THRB: variants seen among roughly 807,000 people sequenced by gnomAD.
THRB encodes the protein thyroid hormone receptor beta, also known as nuclear receptor subfamily 1 group A member 2.
In THRB, 12 loss-of-function variants were observed where a neutral mutation model predicts 47.8. The ratio of observed to expected loss-of-function variants is 0.25; its 90% CI spans 0.16 to 0.41. The LOEUF (loss-of-function observed/expected upper bound fraction) is 0.41. THRB is among the 10% of genes least tolerant of loss of function. THRB has a pLI of 1.00. For missense variants in THRB, 348 were observed against 589.2 expected (o/e 0.59, Z 4.24); for synonymous variants, 218 against 212.2 (o/e 1.03, Z -0.24).
chr3:24,491,330 TCAC>T (rs1382145823), intron 1 of THRB, among the ~76,000 whole-genome samples: 2 of 152,316 alleles, frequency 1.3e-5, no homozygotes, highest in Admixed American at 1.3e-4. Context: ...CAAAAACAAA[TCAC>T]CATAATCTTC....
intron 5 of THRB, among the ~76,000 whole-genome samples, chr3:24,187,951 GTGGACCC>G (rs1300415538): frequency 6.6e-6 from 1 of 152,174 alleles, no homozygotes; most frequent in African/African-American, 2.4e-5. Flanking sequence ...CTATGTCAAG[GTGGACCC>G]TGGTGGTTAC....
intron 4 of THRB, among the ~76,000 whole-genome samples, chr3:24,228,077 A>G (rs1442639766): frequency 1.3e-5 from 2 of 152,208 alleles, no homozygotes; most frequent in Non-Finnish European, 2.9e-5. Flanking sequence ...ATGGGGCTTC[A>G]TTCCTTCTTG....
At chr3:24,263,096 G>A (rs2052249849) in intron 3 of THRB, among the ~76,000 whole-genome samples, 1 of 152,114 alleles carries the variant, frequency 6.6e-6, no homozygotes, top group Admixed American at 6.6e-5. Flanking sequence ...ATAATAGAAG[G>A]GGACATTATT....
chr3:24,389,155 A>G (rs1033946408), intron 1 of THRB, among the ~76,000 whole-genome samples: 1 of 152,166 alleles, frequency 6.6e-6, no homozygotes, highest in Non-Finnish European at 1.5e-5. Context: ...TTCAAGGTGT[A>G]GGGATGAATA....
In THRB at chr3:24,493,110, C is replaced by T. The variant is rs187842840; in HGVS notation, c.-261+1542G>A. Among the ~76,000 whole-genome samples the T allele has an allele frequency of 2.6e-5, 4 of 152,312 alleles. No homozygotes were observed. In the East Asian group the frequency reaches 7.7e-4, roughly 29 times the overall value. ...CTTGGTACTGGATTTCTGTTTGACT[C>T]AATTAAAACACTTAGCCACCTGGCA... On this transcript the variant is annotated intron_variant, in intron 1 of 10. Coordinates refer to ENST00000646209, the MANE Select transcript of THRB (RefSeq NM_001354712.2).
At chr3:24,233,561 A>AAG (rs1559683315) in intron 3 of THRB, among the ~76,000 whole-genome samples, 1 of 16,006 alleles carries the variant, frequency 6.2e-5, no homozygotes, top group East Asian at 8.9e-4. Context: ...AAGAAAAAGG[A>AAG]AGAAAGAAAG....
Position 24,126,949 on chromosome 3 carries a change from G to A in THRB, c.1144+550C>T, listed in dbSNP as rs117486410. On this transcript the variant is annotated intron_variant, in intron 10 of 10. Transcript: ENST00000646209. ...AGCCAAGTAAGAAGTCTACCCTGCC[G>A]GAGGAAAGGCCGCATAGAGGGAGGC... Among the ~76,000 whole-genome samples, 42 of 152,268 alleles carry A rather than the reference G, an allele frequency of 2.8e-4. No individual in the cohort carries two copies. The East Asian group carries it at 6.0e-3, about 22-fold the overall frequency.
intron 5 of THRB, chr3:24,165,198 G>C (rs2039475311): frequency 2.6e-6 from 2 of 765,070 alleles, no homozygotes; most frequent in East Asian, 2.4e-5. Context: ...GCCCAGGCCT[G>C]TTCCATATAT....
chr3:24,147,457 T>C (rs1333302551), intron 6 of THRB, among the ~76,000 whole-genome samples: 2 of 152,176 alleles, frequency 1.3e-5, no homozygotes, highest in East Asian at 1.9e-4. Context: ...TTTTTCCCCA[T>C]AGCTCATTGC....
intron 2 of THRB, among the ~76,000 whole-genome samples, chr3:24,305,959 C>G (rs541139083): frequency 5.3e-5 from 8 of 152,274 alleles, no homozygotes; most frequent in African/African-American, 1.4e-4. Context: ...ATCTCCTCCC[C>G]CAATGGGCTT....
intron 1 of THRB, among the ~76,000 whole-genome samples, chr3:24,375,560 T>A (rs2065224656): frequency 6.7e-6 from 1 of 148,204 alleles, no homozygotes; most frequent in African/African-American, 2.5e-5. Flanking sequence ...TAATAAATAT[T>A]ACTAATTATA....
At position 24,238,276 on chromosome 3, in the gene THRB, TGTGGGG is replaced by T. The variant is rs1462043342; in HGVS notation, c.-42-9281_-42-9276del. 8.4e-3 allele frequency among the ~76,000 whole-genome samples: 163 copies of T among 19,406 alleles called. 1 individual carries two copies. Among genetic ancestry groups the T allele is most frequent in the African/African-American group, 0.023 (152 of 6,686 alleles). 12.7% of individuals were successfully genotyped at this position (19,406 alleles called of 152,430 possible). On this transcript the variant is annotated intron_variant, in intron 3 of 10. Coordinates refer to ENST00000646209, the MANE Select transcript of THRB (RefSeq NM_001354712.2). The stretch of plus-strand genomic sequence containing the variant: ...GGGTGTGTGTGTATGTGTGTGTGTG[TGTGGGG>T]GGGGGGGGGGTGTGTGGGGTGTGTG...
rs140786793 is a variant in THRB, at chr3:24,460,856, T to C, written c.-261+33796A>G. 3.9e-3 allele frequency among the ~76,000 whole-genome samples: 596 copies of C among 152,326 alleles called. 11 individuals carry two copies. The highest frequency in any genetic ancestry group is 0.012 in the African/African-American group (519 of 41,578). ...TCATGTGTTCTCTCATAAGGTTATG[T>C]AACTTCATCTAACTCTTACAGGGTT... is the stretch of plus-strand genomic sequence containing the variant. On this transcript the variant is annotated intron_variant, in intron 1 of 10. Coordinates refer to ENST00000646209, the MANE Select transcript of THRB (RefSeq NM_001354712.2).
intron 2 of THRB, among the ~76,000 whole-genome samples, chr3:24,323,998 C>T (rs1346000570): frequency 6.6e-6 from 1 of 152,182 alleles, no homozygotes; most frequent in African/African-American, 2.4e-5. Context: ...CCTCTTCCAG[C>T]TTCCACCTTG....
chr3:24,208,508 C>T (rs12236616), intron 4 of THRB, among the ~76,000 whole-genome samples: 60,914 of 151,826 alleles, frequency 0.4, 12,407 homozygotes, highest in Non-Finnish European at 0.44. Flanking sequence ...GAGATATAGA[C>T]CAATGGAACA....
At position 24,273,148 on chromosome 3, in the gene THRB, C is replaced by A. The variant is rs548051215; in HGVS notation, c.-43+24078G>T. 4.5e-3 allele frequency among the ~76,000 whole-genome samples: 687 copies of A among 151,526 alleles called. 8 individuals are homozygous for A. The highest frequency in any genetic ancestry group is 4.9e-3 in the Non-Finnish European group (333 of 67,830). ...GAATTAAACACACACACACACACAC[C>A]CACACACACCACAACTCCACTCTTT... On this transcript the variant is annotated intron_variant, in intron 3 of 10. Coordinates refer to ENST00000646209, the MANE Select transcript of THRB (RefSeq NM_001354712.2).
chr3:24,490,182 T>A (rs1479214422), intron 1 of THRB, among the ~76,000 whole-genome samples: 1 of 152,202 alleles, frequency 6.6e-6, no homozygotes, highest in African/African-American at 2.4e-5. Flanking sequence ...CAGAGCCAGG[T>A]ACATAGTAGA....
intron 4 of THRB, among the ~76,000 whole-genome samples, chr3:24,202,406 C>G (rs1167949235): frequency 6.6e-6 from 1 of 152,002 alleles, no homozygotes; most frequent in Non-Finnish European, 1.5e-5. Context: ...TTTTTTTCAT[C>G]TAGTAAATTA....
At chr3:24,473,208 T>C (rs1175021377) in intron 1 of THRB, among the ~76,000 whole-genome samples, 2 of 152,228 alleles carry the variant, frequency 1.3e-5, no homozygotes, top group East Asian at 1.9e-4. Context: ...GAACCTAGCA[T>C]GTTCTTCTAA....
Sources: gnomAD v4.1 joint callset for allele counts (sites outside exome capture counted in the v4.1 genomes callset) on GRCh38, gnomAD v4.1.1 for gene constraint, MANE v1.5 for transcripts, NCBI Gene and HGNC (gene_info 2026-07-23, HGNC 2026-07-21) for gene names.